The following KBTBD12 variants were observed in gnomAD, a reference collection of about 807,000 sequenced individuals.
KBTBD12 encodes kelch repeat and BTB domain containing 12.
A neutral mutation model predicts 58.7 loss-of-function variants in KBTBD12; 53 were observed. The ratio of observed to expected loss-of-function variants is 0.90; its 90% CI spans 0.72 to 1.14. The LOEUF is 1.14. Among genes scored for constraint, KBTBD12 ranks in the 50% most tolerant of loss-of-function variants. The probability of loss-of-function intolerance (pLI) is 0.00; values close to 1 mark genes in which losing one functional copy is unlikely to be tolerated. For synonymous variants in KBTBD12, 236 were observed against 259.8 expected (o/e 0.91, Z 0.88); for missense variants, 704 against 751.3 (o/e 0.94, Z 0.74).
chr3:127,966,836 AT>A (rs1485290037), intron 5 of KBTBD12, among the ~76,000 whole-genome samples: 4 of 152,374 alleles, frequency 2.6e-5, no homozygotes, highest in Middle Eastern at 3.4e-3. Context: ...GGGGAAAAAA[AT>A]AAAAGGTTGT....
At chr3:127,949,401 A>G (rs1940157739) in intron 4 of KBTBD12, among the ~76,000 whole-genome samples, 1 of 152,224 alleles carries the variant, frequency 6.6e-6, no homozygotes, top group Non-Finnish European at 1.5e-5. Flanking sequence ...CATGCTTTGG[A>G]ATTCATAATT....
At chr3:127,967,393 A>G (rs1182652462) in intron 5 of KBTBD12, among the ~76,000 whole-genome samples, 1 of 152,216 alleles carries the variant, frequency 6.6e-6, no homozygotes, top group Non-Finnish European at 1.5e-5. Flanking sequence ...ATTTATAACA[A>G]TATCATAATA....
At chr3:127,932,877 T>G (rs1939738057) in intron 4 of KBTBD12, among the ~76,000 whole-genome samples, 1 of 152,166 alleles carries the variant, frequency 6.6e-6, no homozygotes, top group Admixed American at 6.6e-5. Flanking sequence ...TTTCACTTAA[T>G]AGTCATAAAA....
chr3:127,919,455 CTT>C (rs1237138290), intron 1 of KBTBD12, among the ~76,000 whole-genome samples: 2 of 152,206 alleles, frequency 1.3e-5, no homozygotes, highest in Admixed American at 6.5e-5. Context: ...GTCTCGAACT[CTT>C]GACCTTGTGA....
chr3:127,934,445 A>G lies in KBTBD12; in HGVS notation c.1492+4162A>G, dbSNP rs142967691. 1.5e-3 allele frequency among the ~76,000 whole-genome samples: 222 copies of G among 152,292 alleles called. 1 individual carries two copies. Among genetic ancestry groups the G allele is most frequent in the African/African-American group, 5.0e-3 (208 of 41,580 alleles). ...AGAAAAATTAGCAGGGCTCAGAGTC[A>G]GATGGAATATCAAACCTATGAACAG... is the stretch of plus-strand genomic sequence containing the variant. On this transcript the variant is annotated intron_variant, in intron 4 of 5. Transcript: ENST00000405109.
chr3:127,918,414 A>C (rs1475492288), intron 1 of KBTBD12, among the ~76,000 whole-genome samples: 2 of 152,184 alleles, frequency 1.3e-5, no homozygotes, highest in Non-Finnish European at 2.9e-5. Context: ...ACACGTGTAA[A>C]GACAGAACAG....
chr3:127,922,970 G>A lies in KBTBD12; in HGVS notation c.-92G>A, dbSNP rs1001388228. 1.4e-6 allele frequency: 1 copy of A among 710,124 alleles called. No homozygotes were observed. Among genetic ancestry groups the A allele is most frequent in the Non-Finnish European group, 2.3e-6 (1 of 425,668 alleles). 44.0% of individuals were successfully genotyped at this position (710,124 alleles called of 1,614,324 possible). A position where few individuals can be genotyped will look rare whatever the true frequency, so the allele number is the denominator to read the frequency against. ...CTTAGAAATGTTTCCTGACATCTTT[G>A]TAGCTTCATGAGTAATCAGACATGC... On this transcript the variant is annotated 5_prime_UTR_variant, in exon 2 of 6. Coordinates refer to ENST00000405109, the MANE Select transcript of KBTBD12 (RefSeq NM_207335.4).
rs1940974393 is a variant in KBTBD12, at chr3:127,986,710, A to G, written c.*2432A>G. ...CACCATGTTGGCCAGGATGGTCTCA[A>G]TCTCTTGACCTCGTGATCTGCCCGC... On this transcript the variant is annotated 3_prime_UTR_variant, in exon 6 of 6. Transcript: ENST00000405109. 6.6e-6 allele frequency: 1 copy of G among 152,280 alleles called. No individual in the cohort carries two copies. Among genetic ancestry groups the G allele is most frequent in the Admixed American group, 6.5e-5 (1 of 15,296 alleles). The allele number at this position is 152,280 out of a possible 1,614,324, so 9.4% of individuals were successfully genotyped here. A position where few individuals can be genotyped will look rare whatever the true frequency, so the allele number is the denominator to read the frequency against.
At chr3:127,960,119 G>A (rs1395808965) in intron 4 of KBTBD12, among the ~76,000 whole-genome samples, 1 of 152,168 alleles carries the variant, frequency 6.6e-6, no homozygotes, top group Non-Finnish European at 1.5e-5. Context: ...TTGGGAGCAA[G>A]CACCACTGCA....
At chr3:127,974,395 A>T (rs759535958) in intron 5 of KBTBD12, among the ~76,000 whole-genome samples, 18 of 152,202 alleles carry the variant, frequency 1.2e-4, no homozygotes, top group Non-Finnish European at 2.1e-4. Context: ...CTCCACAGCC[A>T]TCAGTTTCAT....
intron 1 of KBTBD12, among the ~76,000 whole-genome samples, chr3:127,922,062 T>A (rs1939422855): frequency 6.6e-6 from 1 of 152,184 alleles, no homozygotes; most frequent in South Asian, 2.1e-4. Flanking sequence ...TTTCTGACTC[T>A]AGGAATGTCC....
intron 1 of KBTBD12, 77 bp downstream of exon 1, chr3:127,915,663 T>TGGGCGCCGACCCGG (rs1436935053): frequency 2.0e-5 from 3 of 152,174 alleles, no homozygotes; most frequent in Non-Finnish European, 4.4e-5. Flanking sequence ...AGGTTGAACC[T>TGGGCGCCGACCCGG]GGGCGCCGAC....
At chr3:127,966,171 C>T (rs570165909) in intron 5 of KBTBD12, among the ~76,000 whole-genome samples, 2 of 152,308 alleles carry the variant, frequency 1.3e-5, no homozygotes, top group Admixed American at 1.3e-4. Flanking sequence ...AGGTCCTCAG[C>T]CTCCTTCCCT....
chr3:127,942,016 G>A (rs537391091), intron 4 of KBTBD12, among the ~76,000 whole-genome samples: 8 of 152,104 alleles, frequency 5.3e-5, no homozygotes, highest in Non-Finnish European at 1.0e-4. Context: ...AATAAAGAAA[G>A]ATAAAGTTGT....
At chr3:127,921,824 G>T (rs936284233) in intron 1 of KBTBD12, among the ~76,000 whole-genome samples, 1 of 152,138 alleles carries the variant, frequency 6.6e-6, no homozygotes, top group Non-Finnish European at 1.5e-5. Flanking sequence ...GGAATCTGGG[G>T]ATATCCAGAT....
chr3:127,920,230 G>A (rs142871494), intron 1 of KBTBD12, among the ~76,000 whole-genome samples: 80 of 152,088 alleles, frequency 5.3e-4, no homozygotes, highest in African/African-American at 1.9e-3. Context: ...TACTTACTTT[G>A]TTGAAATCGA....
In KBTBD12 at chr3:127,929,828, G is replaced by T. The variant is rs561851181; in HGVS notation, c.1342-305G>T. On this transcript the variant is annotated intron_variant, in intron 3 of 5. Coordinates refer to ENST00000405109, the MANE Select transcript of KBTBD12 (RefSeq NM_207335.4). ...ATACTATTCAAGAGAGCTTGGTTTT[G>T]TTTTTAAGGCTTTGCAGTTGCTTCT... Among the ~76,000 whole-genome samples the T allele has an allele frequency of 2.6e-3, 388 of 151,256 alleles. 3 individuals carry two copies. The highest frequency in any genetic ancestry group is 8.9e-3 in the African/African-American group (366 of 41,220).
chr3:127,941,829 A>G (rs1939957308), intron 4 of KBTBD12, among the ~76,000 whole-genome samples: 1 of 152,112 alleles, frequency 6.6e-6, no homozygotes, highest in Non-Finnish European at 1.5e-5. Context: ...TGAACTCCTG[A>G]TCTGAAGTGA....
At chr3:127,944,044 G>T (rs1940017663) in intron 4 of KBTBD12, among the ~76,000 whole-genome samples, 2 of 152,006 alleles carry the variant, frequency 1.3e-5, no homozygotes, top group Admixed American at 6.6e-5. Flanking sequence ...TGGTTTATGT[G>T]TCTGTTTTTA....
Sources: gnomAD v4.1 joint callset for allele counts (sites outside exome capture counted in the v4.1 genomes callset) on GRCh38, gnomAD v4.1.1 for gene constraint, MANE v1.5 for transcripts, NCBI Gene and HGNC (gene_info 2026-07-23, HGNC 2026-07-21) for gene names.